The following CELF2 variants were observed in gnomAD, a reference collection of about 807,000 sequenced individuals.
CELF2 encodes the protein CUG triplet repeat RNA-binding protein 2.
CELF2 carries 8 observed loss-of-function variants against 62.6 expected under a neutral mutation model. That is an observed-to-expected ratio of 0.13 (90% confidence interval 0.07 to 0.23). CELF2 has a LOEUF of 0.23. CELF2 is among the 10% of genes least tolerant of loss of function. The pLI, the probability that CELF2 is intolerant of heterozygous loss-of-function variation, is 1.00. For synonymous variants in CELF2, 258 were observed against 250.0 expected, an observed-to-expected ratio of 1.03 and a Z score of -0.30; for missense variants, 333 against 671.0, an observed-to-expected ratio of 0.50 and a Z score of 5.56.
At chr10:10,677,462 C>T in the CELF2 span, among the ~76,000 whole-genome samples, 93 of 152,296 alleles carry the variant, frequency 6.1e-4, no homozygotes, top group Admixed American at 1.4e-3. Context: ...TTCTCTGAGA[C>T]GGTCACAATC....
intron 2 of CELF2, among the ~76,000 whole-genome samples, chr10:11,208,034 G>A (rs553874475): frequency 1.3e-5 from 2 of 152,304 alleles, no homozygotes; most frequent in South Asian, 4.1e-4. Context: ...AGGTGGTTCA[G>A]GGACATTCTC....
chr10:11,146,845 A>G (rs1206673108), intron 1 of CELF2, among the ~76,000 whole-genome samples: 1 of 152,204 alleles, frequency 6.6e-6, no homozygotes, highest in Non-Finnish European at 1.5e-5. Context: ...CTTTGCCTGG[A>G]CGTCCTGATA....
chr10:10,578,383 A>G, the CELF2 span, among the ~76,000 whole-genome samples: 3,956 of 152,164 alleles, frequency 0.026, 160 homozygotes, highest in African/African-American at 0.09. Context: ...CTGTTTGTCA[A>G]TTTTGGCTTT....
At chr10:11,092,412 A>G (rs1330729208) in intron 1 of CELF2, 4 of 152,174 alleles carry the variant, frequency 2.6e-5, no homozygotes, top group African/African-American at 7.2e-5. Flanking sequence ...GGGAGAAAAC[A>G]TTTTCACCCA....
intron 1 of CELF2, among the ~76,000 whole-genome samples, chr10:10,912,393 AC>A (rs2063889711): frequency 6.6e-6 from 1 of 151,938 alleles, no homozygotes; most frequent in African/African-American, 2.4e-5. Flanking sequence ...AATGGGACTT[AC>A]TTTTTTTTTT....
chr10:10,528,167 G>T, the CELF2 span, among the ~76,000 whole-genome samples: 72,982 of 151,086 alleles, frequency 0.48, 18,287 homozygotes, highest in South Asian at 0.65. Context: ...TTTTGTGTGT[G>T]TGTGTGTGTG....
the CELF2 span, among the ~76,000 whole-genome samples, chr10:10,710,307 T>C: frequency 6.6e-6 from 1 of 152,186 alleles, no homozygotes; most frequent in Non-Finnish European, 1.5e-5. Flanking sequence ...ACCGTCGTCA[T>C]AAAGCAGGGT....
At chr10:10,962,780 G>A (rs754869173) in intron 2 of CELF2, among the ~76,000 whole-genome samples, 18 of 152,142 alleles carry the variant, frequency 1.2e-4, no homozygotes, top group Middle Eastern at 3.2e-3. Flanking sequence ...AGGAAGAAGG[G>A]AGGTGACAGG....
intron 1 of CELF2, among the ~76,000 whole-genome samples, chr10:11,149,936 T>C (rs2063015934): frequency 6.6e-6 from 1 of 152,208 alleles, no homozygotes; most frequent in Admixed American, 6.5e-5. Flanking sequence ...TCCGTGATTC[T>C]ATGGACACAG....
chr10:10,660,147 C>T, the CELF2 span, among the ~76,000 whole-genome samples: 27 of 152,168 alleles, frequency 1.8e-4, no homozygotes, highest in African/African-American at 2.2e-4. Flanking sequence ...CATCAGGAAC[C>T]TTTTCTTGCT....
At chr10:10,910,699 C>CAAAAAAA (rs55954207) in intron 1 of CELF2, among the ~76,000 whole-genome samples, 33 of 91,990 alleles carry the variant, frequency 3.6e-4, no homozygotes, top group East Asian at 1.7e-3. Context: ...GACTCTGCCT[C>CAAAAAAA]AAAAAAAAAA....
At chr10:10,487,193 A>G in the CELF2 span, among the ~76,000 whole-genome samples, 1 of 152,182 alleles carries the variant, frequency 6.6e-6, no homozygotes, top group Non-Finnish European at 1.5e-5. Flanking sequence ...CTCTTCTTGG[A>G]TCGTGTATTC....
chr10:11,091,903 T>G (rs536381772), intron 1 of CELF2, among the ~76,000 whole-genome samples: 1 of 152,320 alleles, frequency 6.6e-6, no homozygotes, highest in African/African-American at 2.4e-5. Context: ...AACGTTGGCT[T>G]AAAGTGCATT....
chr10:10,465,062 T>G, the CELF2 span, among the ~76,000 whole-genome samples: 2 of 152,142 alleles, frequency 1.3e-5, no homozygotes, highest in African/African-American at 2.4e-5. Flanking sequence ...AGAAAATACC[T>G]TCTGACGAGA....
intron 1 of CELF2, among the ~76,000 whole-genome samples, chr10:10,840,083 T>TA (rs1260859748): frequency 1.3e-5 from 2 of 152,236 alleles, no homozygotes; most frequent in Non-Finnish European, 2.9e-5. Context: ...CTGGATGTAC[T>TA]AGTTTGTTGG....
intron 2 of CELF2, among the ~76,000 whole-genome samples, chr10:10,981,197 G>C (rs372107049): frequency 1.3e-5 from 2 of 152,108 alleles, no homozygotes; most frequent in Non-Finnish European, 2.9e-5. Context: ...ATTCCACTTC[G>C]TTATAGAGAC....
intron 1 of CELF2, among the ~76,000 whole-genome samples, chr10:10,895,716 C>T (rs2062499805): frequency 6.6e-6 from 1 of 152,020 alleles, no homozygotes; most frequent in South Asian, 2.1e-4. Context: ...TGATGAAAAA[C>T]CAAAAACATG....
At chr10:10,708,406 G>T in the CELF2 span, among the ~76,000 whole-genome samples, 2 of 152,260 alleles carry the variant, frequency 1.3e-5, no homozygotes, top group African/African-American at 4.8e-5. Flanking sequence ...ATTAATTTAT[G>T]TATGGCTGGT....
rs1408804025 is a variant in CELF2, at chr10:11,268,548, G to A, written c.618+1871G>A. On this transcript the variant is annotated intron_variant, in intron 6 of 12. Transcript: ENST00000633077. This position sits in a 1 kb window ranked among gnomAD's most constrained non-coding sequence, Gnocchi z 4.7. ...AAACAGTAGGTTCCCATCATGTAAA[G>A]AGTTGGTTTGACCACTGGGGCATAT... Among the ~76,000 whole-genome samples, 47 of 152,212 alleles carry A rather than the reference G, an allele frequency of 3.1e-4. No homozygotes were observed. The highest frequency in any genetic ancestry group is 2.9e-5 in the Non-Finnish European group (2 of 68,048).
Sources: gnomAD v4.1 joint callset for allele counts (sites outside exome capture counted in the v4.1 genomes callset) on GRCh38, gnomAD v4.1.1 for gene constraint, Gnocchi (gnomAD v3.1) non-coding constraint, MANE v1.5 for transcripts, NCBI Gene and HGNC (gene_info 2026-07-23, HGNC 2026-07-21) for gene names.